CCL25: variants seen among roughly 807,000 people sequenced by gnomAD.
CCL25 encodes the protein C-C motif chemokine ligand 25, also known as C-C motif chemokine 25.
CCL25 carries 14 observed loss-of-function variants against 19.9 expected under a neutral mutation model. The observed-to-expected ratio is 0.70, with a 90% CI of 0.47 to 1.10. The LOEUF (loss-of-function observed/expected upper bound fraction) is 1.10, where lower values mean the gene tolerates loss of function less well. Among genes scored for constraint, CCL25 ranks in the 50% least tolerant of loss-of-function variants. The pLI, the probability that CCL25 is intolerant of heterozygous loss-of-function variation, is 0.00. For missense variants in CCL25, 151 were observed against 181.2 expected, an observed-to-expected ratio of 0.83 and a Z score of 0.96; for synonymous variants, 68 against 73.2, an observed-to-expected ratio of 0.93 and a Z score of 0.36.
chr19:8,059,872 G>A (rs972806161), intron 5 of CCL25, among the ~76,000 whole-genome samples: 2 of 151,870 alleles, frequency 1.3e-5, no homozygotes, highest in South Asian at 2.1e-4. Flanking sequence ...GGTGGATCAC[G>A]AGGTCAGGAG....
intron 2 of CCL25, among the ~76,000 whole-genome samples, chr19:8,053,547 A>T (rs1270910129): frequency 1.4e-4 from 17 of 120,652 alleles, no homozygotes; most frequent in South Asian, 2.7e-4. Flanking sequence ...CTCCTAAACC[A>T]TTTTTTTTTT....
At chr19:8,061,667 C>T (rs1413132964) in intron 5 of CCL25, among the ~76,000 whole-genome samples, 1 of 151,968 alleles carries the variant, frequency 6.6e-6, no homozygotes, top group Non-Finnish European at 1.5e-5. Context: ...GGATCCAGAG[C>T]TCTGTGTCAG....
intron 2 of CCL25, among the ~76,000 whole-genome samples, chr19:8,055,285 G>GA (rs368584418): frequency 0.26 from 23,842 of 92,616 alleles, 4,192 homozygotes; most frequent in African/African-American, 0.5. Context: ...TGAGACTCTG[G>GA]AAAAAAAAAA....
intron 2 of CCL25, among the ~76,000 whole-genome samples, chr19:8,054,342 G>A (rs755361647): frequency 1.1e-4 from 16 of 152,210 alleles, no homozygotes; most frequent in Non-Finnish European, 2.1e-4. Context: ...TTCGATCCTG[G>A]CCTCCAGCCT....
intron 5 of CCL25, among the ~76,000 whole-genome samples, chr19:8,060,402 C>T (rs942587681): frequency 2.6e-5 from 4 of 152,004 alleles, no homozygotes; most frequent in Non-Finnish European, 5.9e-5. Flanking sequence ...GGAAGAGATG[C>T]TTAGGTAGGC....
chr19:8,053,142 C>T lies in CCL25; in HGVS notation c.73+20C>T, dbSNP rs541626955. On this transcript the variant is annotated intron_variant, in intron 2 of 5. Transcript: ENST00000315626. ...CCCAAGGTACTGTGTTCGGCAATGC[C>T]TACCACCAAGTGCCCCTCTCCCCAT... 4.4e-4 allele frequency: 673 copies of T among 1,519,122 alleles called. 5 individuals carry two copies. Among genetic ancestry groups the T allele is most frequent in the Non-Finnish European group, 5.3e-5 (60 of 1,123,144 alleles). 94.1% of individuals were successfully genotyped at this position (1,519,122 alleles called of 1,614,324 possible).
At chr19:8,052,424 T>C (rs11671930), upstream of CCL25, among the ~76,000 whole-genome samples, 18,466 of 151,702 alleles carry the variant, frequency 0.12, 1,424 homozygotes, top group Middle Eastern at 0.21. Flanking sequence ...ACAGGTGGCT[T>C]GAGGGCGGGG....
intron 5 of CCL25, among the ~76,000 whole-genome samples, chr19:8,061,301 T>G (rs2081316433): frequency 2.6e-5 from 4 of 151,900 alleles, no homozygotes; most frequent in Admixed American, 2.6e-4. Context: ...CACCAGCAAT[T>G]TTTTTGTTTA....
In CCL25 at chr19:8,062,500, C is replaced by A; in HGVS notation, c.*275C>A. On this transcript the variant is annotated 3_prime_UTR_variant, in exon 6 of 6. Coordinates refer to ENST00000315626, the MANE Select transcript of CCL25 (RefSeq NM_005624.4). ...GCTCTTGTAGAGAAGACTTAGGATA[C>A]CTCTCTCACTTTCTGTTTCTTGCCG... 2.0e-6 allele frequency: 1 copy of A among 492,216 alleles called. No individual in the cohort carries two copies. The highest frequency in any genetic ancestry group is 3.7e-6 in the Non-Finnish European group (1 of 273,470). The allele number at this position is 492,216 out of a possible 1,614,324, so 30.5% of individuals were successfully genotyped here. A position where few individuals can be genotyped will look rare whatever the true frequency, so the allele number is the denominator to read the frequency against.
chr19:8,057,265 C>T (rs532045744), intron 4 of CCL25, among the ~76,000 whole-genome samples: 3 of 152,246 alleles, frequency 2.0e-5, no homozygotes, highest in African/African-American at 7.2e-5. Context: ...GATGATCTGC[C>T]CGCCTTGGCC....
intron 2 of CCL25, among the ~76,000 whole-genome samples, chr19:8,053,392 G>A (rs1257454641): frequency 1.3e-5 from 2 of 151,942 alleles, no homozygotes; most frequent in East Asian, 3.9e-4. Flanking sequence ...TTCCAGCTGT[G>A]GGCAAAGCCA....
Position 8,058,508 on chromosome 19 carries a change from T to C in CCL25, c.445+588T>C, listed in dbSNP as rs1194707369. On this transcript the variant is annotated intron_variant, in intron 5 of 5. Transcript: ENST00000315626. ...AATATATAATATATATAAGTAAATA[T>C]ATTATATATAATATATAAATAATAT... is the stretch of plus-strand genomic sequence containing the variant. Among the ~76,000 whole-genome samples the C allele has an allele frequency of 2.8e-5, 3 of 106,740 alleles. 1 individual carries two copies. Among genetic ancestry groups the C allele is most frequent in the Non-Finnish European group, 5.6e-5 (3 of 53,436 alleles). 70.0% of individuals were successfully genotyped at this position (106,740 alleles called of 152,430 possible).
Position 8,057,783 on chromosome 19 carries a change from C to A in CCL25, c.326-18C>A. ...ATGATGGCAGAGCTCTTGCTTATTT[C>A]TCTCTCCATTTCTCCAGCAGGCCCT... On this transcript the variant is annotated intron_variant, in intron 4 of 5. Transcript: ENST00000315626. 6.2e-7 allele frequency: 1 copy of A among 1,606,724 alleles called. No individual in the cohort carries two copies. The highest frequency in any genetic ancestry group is 1.1e-5 in the South Asian group (1 of 90,250).
At chr19:8,054,710 C>T (rs1424203493) in intron 2 of CCL25, among the ~76,000 whole-genome samples, 1 of 151,598 alleles carries the variant, frequency 6.6e-6, no homozygotes, top group African/African-American at 2.4e-5. Context: ...CCCCTTTCTG[C>T]AGAGATCAGT....
intron 2 of CCL25, among the ~76,000 whole-genome samples, chr19:8,054,697 T>G (rs1478773825): frequency 1.3e-5 from 2 of 151,278 alleles, no homozygotes; most frequent in African/African-American, 4.9e-5. Flanking sequence ...GTGCCTGTGC[T>G]TCCCCCTTTC....
At chr19:8,058,019 A>AG in intron 5 of CCL25, 99 bp downstream of exon 5, 1 of 1,504,234 alleles carries the variant, frequency 6.6e-7, no homozygotes, top group Admixed American at 2.0e-5. Flanking sequence ...ATTCACCTCC[A>AG]GGACCCAGGA....
At chr19:8,052,440 A>G (rs1044721758), upstream of CCL25, among the ~76,000 whole-genome samples, 1 of 151,702 alleles carries the variant, frequency 6.6e-6, no homozygotes, top group Non-Finnish European at 1.5e-5. Flanking sequence ...CGGGGGGAGC[A>G]TGAAGGTAAG....
At chr19:8,059,647 T>C (rs972732433) in intron 5 of CCL25, among the ~76,000 whole-genome samples, 2 of 152,184 alleles carry the variant, frequency 1.3e-5, no homozygotes, top group African/African-American at 2.4e-5. Flanking sequence ...CCACCTCTGG[T>C]TGGATCATTC....
At position 8,053,058 on chromosome 19, in the gene CCL25, G is replaced by A; in HGVS notation, c.9G>A (p.Leu3=). The A allele has an allele frequency of 6.4e-7, 1 of 1,551,810 alleles. No individual in the cohort carries two copies. ...GAGGACCCGCCTGCAGCATGAACCT[G>A]TGGCTCCTGGCCTGCCTGGTGGCCG... MN[L]WLLACLVAGF... is the part of the protein sequence containing the mutation. The change falls in exon 2 of 6, where the codon CTG becomes CTA. Residue 3 remains leucine, a synonymous_variant. Coordinates refer to ENST00000315626, the MANE Select transcript of CCL25 (RefSeq NM_005624.4).
Sources: gnomAD v4.1 joint callset for allele counts (sites outside exome capture counted in the v4.1 genomes callset) on GRCh38, gnomAD v4.1.1 for gene constraint, MANE v1.5 for transcripts, NCBI Gene and HGNC (gene_info 2026-07-23, HGNC 2026-07-21) for gene names.